VPS35L: variants seen among roughly 807,000 people sequenced by gnomAD.
VPS35L encodes VPS35 endosomal protein sorting factor like.
A neutral mutation model predicts 133.0 loss-of-function variants in VPS35L; 83 were observed. The ratio of observed to expected loss-of-function variants is 0.62; its 90% CI spans 0.52 to 0.75. The LOEUF is 0.75. VPS35L is among the 30% of genes least tolerant of loss of function. VPS35L has a pLI of 0.00. For missense variants in VPS35L, 1,083 were observed against 1,206.8 expected, an observed-to-expected ratio of 0.90 and a Z score of 1.52; for synonymous variants, 423 against 449.9, an observed-to-expected ratio of 0.94 and a Z score of 0.76.
intron 3 of VPS35L, among the ~76,000 whole-genome samples, chr16:19,570,889 A>ATATATATATT (rs1971360458): frequency 2.2e-5 from 2 of 91,848 alleles, no homozygotes. Flanking sequence ...ATATATATAT[A>ATATATATATT]TTTTTGAGAT....
At chr16:19,700,192 C>T (rs920348136) in intron 30 of VPS35L, among the ~76,000 whole-genome samples, 186 bp from the exon 31 acceptor site, 9 of 152,202 alleles carry the variant, frequency 5.9e-5, no homozygotes, top group African/African-American at 2.2e-4. Context: ...ACGTCCAAAT[C>T]TGATTTTTAG....
intron 3 of VPS35L, among the ~76,000 whole-genome samples, chr16:19,571,934 G>T (rs1051014013): frequency 6.6e-6 from 1 of 151,470 alleles, no homozygotes; most frequent in African/African-American, 2.4e-5. Context: ...TTGACCAGCC[G>T]TATGGTATTC....
At position 19,604,246 on chromosome 16, in the gene VPS35L, C is replaced by T. The variant is rs943464027; in HGVS notation, c.784+2523C>T. On this transcript the variant is annotated intron_variant, in intron 9 of 30. Coordinates refer to ENST00000417362, the MANE Select transcript of VPS35L (RefSeq NM_020314.7). Reference sequence around the variant, plus strand: ...AATTTTCATATTTACCTGCCTGGCCCCCAGAAGCATTTGAATTTGCCTCTA... The same window carrying T: ...AATTTTCATATTTACCTGCCTGGCCTCCAGAAGCATTTGAATTTGCCTCTA... Among the ~76,000 whole-genome samples the T allele has an allele frequency of 5.9e-5, 9 of 151,944 alleles. No individual in the cohort carries two copies. In the South Asian group the frequency reaches 1.9e-3, roughly 32 times the overall value.
intron 23 of VPS35L, among the ~76,000 whole-genome samples, chr16:19,647,144 A>G (rs1254091236): frequency 6.6e-6 from 1 of 152,122 alleles, no homozygotes; most frequent in Non-Finnish European, 1.5e-5. Flanking sequence ...AGACATATGG[A>G]TTTTCCCAAG....
chr16:19,650,181 C>A (rs1323490662), intron 24 of VPS35L, among the ~76,000 whole-genome samples: 4 of 152,146 alleles, frequency 2.6e-5, no homozygotes, highest in Non-Finnish European at 4.4e-5. Context: ...GTTCTACCCT[C>A]TTGGAGATGT....
intron 7 of VPS35L, among the ~76,000 whole-genome samples, chr16:19,584,992 A>G (rs1392589069): frequency 6.6e-6 from 1 of 152,102 alleles, no homozygotes; most frequent in African/African-American, 2.4e-5. Flanking sequence ...ATGTCTCTTC[A>G]GCTCTTTTGT....
intron 2 of VPS35L, among the ~76,000 whole-genome samples, chr16:19,568,310 T>G (rs1430482644): frequency 6.6e-6 from 1 of 151,790 alleles, no homozygotes; most frequent in Non-Finnish European, 1.5e-5. Flanking sequence ...CCCCCCCTTT[T>G]TTTTTTTTGA....
intron 16 of VPS35L, among the ~76,000 whole-genome samples, chr16:19,628,285 A>C (rs931469142): frequency 6.6e-6 from 1 of 152,162 alleles, no homozygotes; most frequent in African/African-American, 2.4e-5. Flanking sequence ...AATTGCTTGG[A>C]GCCCAGGAGG....
At position 19,593,306 on chromosome 16, in the gene VPS35L, C is replaced by T. The variant is rs563678568; in HGVS notation, c.724+1432C>T. Among the ~76,000 whole-genome samples, 10 of 152,272 alleles carry T rather than the reference C, an allele frequency of 6.6e-5. No homozygotes were observed. In the East Asian group the frequency reaches 1.5e-3, roughly 24 times the overall value. On this transcript the variant is annotated intron_variant, in intron 8 of 30. Transcript: ENST00000417362. Reference sequence around the variant, plus strand: ...AGGGGCGCCTTCTGAGAGCTGAACACGTGGAAGATCAGAACAGAGACATTC... The same window carrying T: ...AGGGGCGCCTTCTGAGAGCTGAACATGTGGAAGATCAGAACAGAGACATTC...
At chr16:19,616,850 T>G in intron 14 of VPS35L, 42 bp downstream of exon 14, 3 of 1,613,668 alleles carry the variant, frequency 1.9e-6, no homozygotes, top group Non-Finnish European at 2.5e-6. Flanking sequence ...ACCTCCTGTA[T>G]GGTGACAGCC....
At chr16:19,650,257 A>C in intron 24 of VPS35L, 125 bp from the exon 25 acceptor site, 2 of 776,968 alleles carry the variant, frequency 2.6e-6, no homozygotes, top group Non-Finnish European at 4.4e-6. Flanking sequence ...AGTGCTAACC[A>C]GTCTTGGTCC....
At chr16:19,627,640 A>G in intron 15 of VPS35L, 54 bp from the exon 16 acceptor site, 1 of 1,378,424 alleles carries the variant, frequency 7.3e-7, no homozygotes, top group Non-Finnish European at 1.0e-6. Flanking sequence ...TCAAAAATTA[A>G]AGCAACTTTG....
intron 26 of VPS35L, among the ~76,000 whole-genome samples, chr16:19,664,536 G>C (rs1422389174): frequency 6.6e-6 from 1 of 151,542 alleles, no homozygotes; most frequent in Non-Finnish European, 1.5e-5. Context: ...CTTTAAGATG[G>C]GATATGCAGT....
chr16:19,578,420 G>T (rs908320359), intron 5 of VPS35L: 4 of 413,972 alleles, frequency 9.7e-6, no homozygotes, highest in Non-Finnish European at 1.9e-5. Context: ...GATGGGGGAA[G>T]GATTCTGAAA....
chr16:19,573,793 A>G (rs1029160156), intron 4 of VPS35L, among the ~76,000 whole-genome samples: 4 of 152,164 alleles, frequency 2.6e-5, no homozygotes, highest in Non-Finnish European at 5.9e-5. Flanking sequence ...AGCCTTGGTG[A>G]CAGAGTGAGA....
At chr16:19,694,614 C>T (rs1174457473) in intron 29 of VPS35L, among the ~76,000 whole-genome samples, 1 of 152,058 alleles carries the variant, frequency 6.6e-6, no homozygotes, top group Non-Finnish European at 1.5e-5. Context: ...GTCAGCCTCC[C>T]AAGTAGCTGG....
chr16:19,669,316 G>A lies in VPS35L; in HGVS notation c.2361+17G>A, dbSNP rs1461449083. ...ATAGTTCCGGTACGTTTCCTCAGCA[G>A]AACCGCAGGACATGTCTTCCTTTCA... On this transcript the variant is annotated intron_variant, in intron 27 of 30. Transcript: ENST00000417362. 6.3e-7 allele frequency: 1 copy of A among 1,596,984 alleles called. No individual in the cohort carries two copies. The highest frequency in any genetic ancestry group is 8.6e-7 in the Non-Finnish European group (1 of 1,167,952).
intron 28 of VPS35L, among the ~76,000 whole-genome samples, chr16:19,683,188 G>A (rs1389053391): frequency 6.6e-6 from 1 of 152,120 alleles, no homozygotes; most frequent in African/African-American, 2.4e-5. Context: ...CTCCCAAAGT[G>A]TTGGGATTAT....
chr16:19,691,208 G>A (rs942475449), intron 28 of VPS35L, 145 bp from the exon 29 acceptor site: 7 of 661,092 alleles, frequency 1.1e-5, no homozygotes, highest in Non-Finnish European at 1.7e-5. Flanking sequence ...CCCAAGCCCA[G>A]TGGGAAATTT....
Sources: gnomAD v4.1 joint callset for allele counts (sites outside exome capture counted in the v4.1 genomes callset) on GRCh38, gnomAD v4.1.1 for gene constraint, MANE v1.5 for transcripts, NCBI Gene and HGNC (gene_info 2026-07-23, HGNC 2026-07-21) for gene names.